The following NUCKS1 variants were observed in gnomAD, a reference collection of about 807,000 sequenced individuals.
NUCKS1 encodes the protein nuclear casein kinase and cyclin dependent kinase substrate 1, also known as nuclear ubiquitous casein and cyclin-dependent kinase substrate 1.
NUCKS1 carries 2 observed loss-of-function variants against 33.0 expected under a neutral mutation model. The ratio of observed to expected loss-of-function variants is 0.06; its 90% confidence interval spans 0.02 to 0.19. The LOEUF (loss-of-function observed/expected upper bound fraction) is 0.19. Ranked by LOEUF, NUCKS1 falls within the 10% of genes least tolerant of loss-of-function variation. The pLI, the probability that NUCKS1 is intolerant of heterozygous loss-of-function variation, is 1.00. For missense variants in NUCKS1, 201 were observed against 293.6 expected, an observed-to-expected ratio of 0.68 and a Z score of 2.31; for synonymous variants, 106 against 102.8, an observed-to-expected ratio of 1.03 and a Z score of -0.19.
intron 1 of NUCKS1, among the ~76,000 whole-genome samples, chr1:205,744,393 A>T (rs1654259968): frequency 6.6e-6 from 1 of 152,146 alleles, no homozygotes; most frequent in Non-Finnish European, 1.5e-5. Flanking sequence ...TGTATAAAGT[A>T]CCTGGTGGAA....
At chr1:205,740,508 G>A (rs1654142040) in intron 1 of NUCKS1, among the ~76,000 whole-genome samples, 1 of 151,818 alleles carries the variant, frequency 6.6e-6, no homozygotes, top group Admixed American at 6.6e-5. Context: ...TCAGATACTT[G>A]GGAGACTGAG....
At position 205,717,513 on chromosome 1, in the gene NUCKS1, G is replaced by A. The variant is rs1321397052; in HGVS notation, c.*767C>T. The stretch of plus-strand genomic sequence containing the variant: ...AGCCCCTGCTTTTTTTTTTTTTTTA[G>A]CTCCCTAAAGACTGTAGCAGGATAA... On this transcript the variant is annotated 3_prime_UTR_variant, in exon 7 of 7. Coordinates refer to ENST00000367142, the MANE Select transcript of NUCKS1 (RefSeq NM_022731.5). 2 of 901,268 alleles carry A rather than the reference G, an allele frequency of 2.2e-6. No homozygotes were observed. Among genetic ancestry groups the A allele is most frequent in the Non-Finnish European group, 2.6e-6 (2 of 761,600 alleles). 55.8% of individuals were successfully genotyped at this position (901,268 alleles called of 1,614,324 possible). A position where few individuals can be genotyped will look rare whatever the true frequency, so the allele number is the denominator to read the frequency against.
intron 4 of NUCKS1, among the ~76,000 whole-genome samples, chr1:205,720,865 C>T (rs1196487788): frequency 6.6e-6 from 1 of 152,062 alleles, no homozygotes; most frequent in Non-Finnish European, 1.5e-5. Context: ...ACTCAAATGC[C>T]CATCAATGAT....
intron 1 of NUCKS1, among the ~76,000 whole-genome samples, chr1:205,745,660 G>C (rs1654302595): frequency 1.3e-5 from 2 of 152,008 alleles, no homozygotes; most frequent in South Asian, 4.1e-4. Context: ...TCTTCACACT[G>C]AATACTAGGC....
chr1:205,739,576 G>A (rs1264799144), intron 1 of NUCKS1, among the ~76,000 whole-genome samples: 2 of 151,984 alleles, frequency 1.3e-5, no homozygotes, highest in African/African-American at 4.8e-5. Flanking sequence ...GGGCTCAAGC[G>A]ATCTTCCCAC....
intron 1 of NUCKS1, among the ~76,000 whole-genome samples, chr1:205,744,702 G>A (rs534650910): frequency 1.4e-5 from 2 of 146,608 alleles, no homozygotes; most frequent in Admixed American, 7.0e-5. Flanking sequence ...GCGTGGTCTC[G>A]GCTCACTGCA....
In NUCKS1 at chr1:205,718,119, A is replaced by G. The variant is rs900469791; in HGVS notation, c.*161T>C. ...AAAAAAAAAAAGAGAGAGAGAGAGA[A>G]ATGTTACTTTCAACAAATGGAAAAA... On this transcript the variant is annotated 3_prime_UTR_variant, in exon 7 of 7. Transcript: ENST00000367142. The G allele has an allele frequency of 7.8e-6, 10 of 1,284,236 alleles. No homozygotes were observed. In the African/African-American group the frequency reaches 1.5e-4, roughly 20 times the overall value. 79.6% of individuals were successfully genotyped at this position (1,284,236 alleles called of 1,614,324 possible).
In NUCKS1 at chr1:205,712,988, G is replaced by C. The variant is rs796448769; in HGVS notation, c.*5292C>G. 1 of 152,284 alleles carries C rather than the reference G, an allele frequency of 6.6e-6. No individual in the cohort carries two copies. The highest frequency in any genetic ancestry group is 2.4e-5 in the African/African-American group (1 of 41,552). The allele number at this position is 152,284 out of a possible 1,614,324, so 9.4% of individuals were successfully genotyped here. A position where few individuals can be genotyped will look rare whatever the true frequency, so the allele number is the denominator to read the frequency against. ...CAAACTGGTAAGTCTACTGCTTCTT[G>C]ATTCCATCCTGAGGTATTAACTTTT... On this transcript the variant is annotated 3_prime_UTR_variant, in exon 7 of 7. Transcript: ENST00000367142.
At position 205,747,140 on chromosome 1, in the gene NUCKS1, G is replaced by A. The variant is rs540129665; in HGVS notation, c.17+2817C>T. ...AGCACTAATAACATTAATATTGATCGGGCAGAAGGTACAGCGATCATGCGG... is the reference window on the plus strand; with the variant it reads ...AGCACTAATAACATTAATATTGATCAGGCAGAAGGTACAGCGATCATGCGG... On this transcript the variant is annotated intron_variant, in intron 1 of 6. Coordinates refer to ENST00000367142, the MANE Select transcript of NUCKS1 (RefSeq NM_022731.5). Among the ~76,000 whole-genome samples the A allele has an allele frequency of 5.9e-5, 9 of 152,158 alleles. No homozygotes were observed. In the South Asian group the frequency reaches 1.9e-3, roughly 32 times the overall value.
rs1203691095 is a variant in NUCKS1 at position 205,717,320 on chromosome 1, T to G, written c.*960A>C. 25 of 987,230 alleles carry G rather than the reference T, an allele frequency of 2.5e-5. No individual in the cohort carries two copies. Among genetic ancestry groups the G allele is most frequent in the Non-Finnish European group, 2.9e-5 (24 of 830,024 alleles). 61.2% of individuals were successfully genotyped at this position (987,230 alleles called of 1,614,324 possible). The stretch of plus-strand genomic sequence containing the variant: ...CACATTAACTGGAACTTTATTTGCT[T>G]AAAACCTAAACATTGTCAGTTTGAA... On this transcript the variant is annotated 3_prime_UTR_variant, in exon 7 of 7. Coordinates refer to ENST00000367142, the MANE Select transcript of NUCKS1 (RefSeq NM_022731.5).
chr1:205,728,631 T>C (rs1476787751), intron 2 of NUCKS1, among the ~76,000 whole-genome samples: 4 of 152,170 alleles, frequency 2.6e-5, no homozygotes, highest in Non-Finnish European at 5.9e-5. Context: ...TATCTTTCAG[T>C]ATTTTCTAAG....
At chr1:205,749,744 G>A (rs1654437699) in intron 1 of NUCKS1, among the ~76,000 whole-genome samples, 1 of 151,430 alleles carries the variant, frequency 6.6e-6, no homozygotes. Flanking sequence ...CTGCAGCGGC[G>A]CGGGGCGGGG....
chr1:205,736,536 C>T (rs960753406), intron 1 of NUCKS1, among the ~76,000 whole-genome samples: 4 of 151,762 alleles, frequency 2.6e-5, no homozygotes, highest in Non-Finnish European at 5.9e-5. Context: ...AAGAAAATTC[C>T]AGTAATTGCC....
At chr1:205,727,584 T>A in intron 3 of NUCKS1, 116 bp downstream of exon 3, 4 of 721,544 alleles carry the variant, frequency 5.5e-6, no homozygotes. Flanking sequence ...AAATATTAAG[T>A]GGACAGTAAG....
At chr1:205,733,863 T>TGTCC (rs1461052306) in intron 1 of NUCKS1, among the ~76,000 whole-genome samples, 2 of 152,094 alleles carry the variant, frequency 1.3e-5, no homozygotes, top group Non-Finnish European at 2.9e-5. Flanking sequence ...ATCTTCCATC[T>TGTCC]GTCCGTCCAC....
intron 1 of NUCKS1, among the ~76,000 whole-genome samples, chr1:205,749,566 C>G (rs1250074823): frequency 1.3e-5 from 2 of 151,812 alleles, no homozygotes; most frequent in South Asian, 4.1e-4. Flanking sequence ...GAGTGGAGCT[C>G]GAGTCCGCCC....
intron 1 of NUCKS1, among the ~76,000 whole-genome samples, chr1:205,746,498 A>C (rs1329124019): frequency 6.6e-6 from 1 of 151,568 alleles, no homozygotes; most frequent in African/African-American, 2.4e-5. Context: ...CTAGAGAATA[A>C]GAGAATGAGC....
In NUCKS1 at chr1:205,717,155, T is replaced by G; in HGVS notation, c.*1125A>C. ...ACATTTCTATGAAGAAATGGGAAGA[T>G]CGGGATATGAAAAAGAAAATGTTCT... On this transcript the variant is annotated 3_prime_UTR_variant, in exon 7 of 7. Coordinates refer to ENST00000367142, the MANE Select transcript of NUCKS1 (RefSeq NM_022731.5). The G allele has an allele frequency of 4.2e-6, 1 of 239,436 alleles. No homozygotes were observed. Among genetic ancestry groups the G allele is most frequent in the Non-Finnish European group, 6.8e-6 (1 of 147,876 alleles). 14.8% of individuals were successfully genotyped at this position (239,436 alleles called of 1,614,324 possible).
rs994279512 is a variant in NUCKS1 at position 205,716,003 on chromosome 1, C to T, written c.*2277G>A. ...GGAGAAAACAAAGGTTATTCAGAGC[C>T]TGTCTCACTTGGGGACACAGATCCT... On this transcript the variant is annotated 3_prime_UTR_variant, in exon 7 of 7. Coordinates refer to ENST00000367142, the MANE Select transcript of NUCKS1 (RefSeq NM_022731.5). The T allele has an allele frequency of 2.0e-5, 3 of 152,146 alleles. No individual in the cohort carries two copies. Among genetic ancestry groups the T allele is most frequent in the Non-Finnish European group, 4.4e-5 (3 of 68,020 alleles). 9.4% of individuals were successfully genotyped at this position (152,146 alleles called of 1,614,324 possible).
Sources: allele counts gnomAD v4.1 joint callset (sites outside exome capture counted in the v4.1 genomes callset), GRCh38; gene constraint gnomAD v4.1.1; transcripts MANE v1.5; gene names NCBI Gene and HGNC (gene_info 2026-07-23, HGNC 2026-07-21).